The following XRRA1 variants were observed in gnomAD, a reference collection of about 807,000 sequenced individuals.
The protein encoded by XRRA1 is X-ray radiation resistance-associated protein 1.
Under a neutral mutation model 80.2 loss-of-function variants are expected in XRRA1, and 69 were observed. The ratio of observed to expected loss-of-function variants is 0.86; its 90% CI spans 0.71 to 1.05. The LOEUF is 1.05. Ranked by LOEUF, XRRA1 falls within the 50% of genes least tolerant of loss-of-function variation. The pLI is 0.00. For synonymous variants in XRRA1, 348 were observed against 389.9 expected, an observed-to-expected ratio of 0.89 and a Z score of 1.27; for missense variants, 967 against 976.4, an observed-to-expected ratio of 0.99 and a Z score of 0.13.
At chr11:74,877,182 A>G (rs1260641864) in intron 10 of XRRA1, among the ~76,000 whole-genome samples, 1 of 152,238 alleles carries the variant, frequency 6.6e-6, no homozygotes, top group African/African-American at 2.4e-5. Flanking sequence ...GGTTAACACT[A>G]AAGTTACTCT....
intron 6 of XRRA1, 119 bp from the exon 7 acceptor site, chr11:74,927,607 T>C (rs1169246946): frequency 3.4e-6 from 2 of 583,824 alleles, no homozygotes; most frequent in African/African-American, 3.8e-5. Flanking sequence ...TAAGGTACTT[T>C]ACATACATGG....
chr11:74,948,277 C>T (rs1018531873), intron 1 of XRRA1, among the ~76,000 whole-genome samples: 2 of 151,462 alleles, frequency 1.3e-5, no homozygotes, highest in African/African-American at 4.9e-5. Context: ...CCAGGTCTAT[C>T]TTGATCCCCT....
chr11:74,921,470 T>C, intron 7 of XRRA1, 123 bp from the exon 8 acceptor site: 1 of 1,256,920 alleles, frequency 8.0e-7, no homozygotes, highest in Non-Finnish European at 1.1e-6. Context: ...CTCCTGGATC[T>C]CCAGATTAAT....
intron 10 of XRRA1, among the ~76,000 whole-genome samples, chr11:74,894,528 G>C (rs113411005): frequency 0.011 from 1,608 of 152,286 alleles, 33 homozygotes; most frequent in African/African-American, 0.035. Flanking sequence ...CAGAAAGCGA[G>C]GGGGAGGCAG....
At chr11:74,881,028 T>G (rs2047425576) in intron 10 of XRRA1, among the ~76,000 whole-genome samples, 1 of 146,546 alleles carries the variant, frequency 6.8e-6, no homozygotes, top group Non-Finnish European at 1.5e-5. Flanking sequence ...GTTGACTTTC[T>G]GTCTCATTGA....
At chr11:74,880,005 T>C (rs2047112945) in intron 10 of XRRA1, among the ~76,000 whole-genome samples, 1 of 151,982 alleles carries the variant, frequency 6.6e-6, no homozygotes, top group African/African-American at 2.4e-5. Context: ...GGATTCCCTC[T>C]TTTTCTATTG....
Position 74,937,366 on chromosome 11 carries a change from T to A in XRRA1, c.95-298A>T, listed in dbSNP as rs11236270. Reference sequence around the variant, plus strand: ...TTCACATTTTTATCTCCAAATTCTATTATTCCTTCAAAAACTAAGATCAAG... The same window carrying A: ...TTCACATTTTTATCTCCAAATTCTAATATTCCTTCAAAAACTAAGATCAAG... On this transcript the variant is annotated intron_variant, in intron 3 of 18. Transcript: ENST00000684022. 9.9e-3 allele frequency among the ~76,000 whole-genome samples: 1,510 copies of A among 152,328 alleles called. 15 individuals are homozygous for A. Among genetic ancestry groups the A allele is most frequent in the Middle Eastern group, 0.02 (6 of 294 alleles).
intron 7 of XRRA1, among the ~76,000 whole-genome samples, chr11:74,925,518 C>G (rs1192845275): frequency 6.6e-6 from 1 of 152,088 alleles, no homozygotes; most frequent in East Asian, 1.9e-4. Flanking sequence ...TCTTAGGGAG[C>G]CCTTGCAAAT....
At chr11:74,897,078 A>G (rs2052498800) in intron 10 of XRRA1, among the ~76,000 whole-genome samples, 1 of 152,212 alleles carries the variant, frequency 6.6e-6, no homozygotes, top group Non-Finnish European at 1.5e-5. Context: ...TTTCAGACAG[A>G]GAATTCAAAA....
rs142654965 is a variant in XRRA1, at chr11:74,938,520, G to A, written c.95-1452C>T. On this transcript the variant is annotated intron_variant, in intron 3 of 18. Coordinates refer to ENST00000684022, the MANE Select transcript of XRRA1 (RefSeq NM_001378157.1). ...ATCATACTTTTACCCACTTATTCTA[G>A]TATCTGTGATGGTTAATTTTATCCA... is the stretch of plus-strand genomic sequence containing the variant. Among the ~76,000 whole-genome samples, 58 of 152,280 alleles carry A rather than the reference G, an allele frequency of 3.8e-4. No homozygotes were observed. In the East Asian group the frequency reaches 8.5e-3, roughly 22 times the overall value.
intron 10 of XRRA1, among the ~76,000 whole-genome samples, chr11:74,889,833 T>C (rs1329445997): frequency 6.6e-6 from 1 of 152,176 alleles, no homozygotes; most frequent in Non-Finnish European, 1.5e-5. Flanking sequence ...AAGGGATCAA[T>C]TCAACAAGAA....
chr11:74,873,357 T>G (rs972010188), intron 10 of XRRA1, among the ~76,000 whole-genome samples: 1 of 152,174 alleles, frequency 6.6e-6, no homozygotes, highest in African/African-American at 2.4e-5. Flanking sequence ...TAGTTCCAAC[T>G]CATCCAGTGG....
intron 8 of XRRA1, among the ~76,000 whole-genome samples, chr11:74,909,490 C>T (rs138893953): frequency 6.6e-5 from 10 of 152,314 alleles, no homozygotes; most frequent in East Asian, 1.9e-4. Context: ...GGCTCTGTCT[C>T]GTCTCTTGTG....
At chr11:74,879,090 C>G (rs2046818985) in intron 10 of XRRA1, among the ~76,000 whole-genome samples, 1 of 147,242 alleles carries the variant, frequency 6.8e-6, no homozygotes, top group Non-Finnish European at 1.5e-5. Context: ...TTCTTCCTAC[C>G]CATGAGCATG....
intron 10 of XRRA1, among the ~76,000 whole-genome samples, chr11:74,883,062 T>C (rs1463959116): frequency 1.3e-5 from 2 of 152,182 alleles, no homozygotes; most frequent in African/African-American, 2.4e-5. Context: ...CCCGGCTGCT[T>C]TGTTTACCTA....
In XRRA1 at chr11:74,933,958, A is replaced by G. The variant is rs1034461058; in HGVS notation, c.280-86T>C. On this transcript the variant is annotated intron_variant, in intron 4 of 18. Coordinates refer to ENST00000684022, the MANE Select transcript of XRRA1 (RefSeq NM_001378157.1). ...CCACTCAGCCTTCTCTTGTTGGGCA[A>G]TCATATACTTGTCATAATTTGTTTG... is the stretch of plus-strand genomic sequence containing the variant. The G allele has an allele frequency of 9.6e-6, 11 of 1,148,252 alleles. No homozygotes were observed. In the African/African-American group the frequency reaches 1.5e-4, roughly 16 times the overall value. The allele number at this position is 1,148,252 out of a possible 1,614,324, so 71.1% of individuals were successfully genotyped here. A position where few individuals can be genotyped will look rare whatever the true frequency, so the allele number is the denominator to read the frequency against.
At chr11:74,913,320 G>A (rs1376703352) in intron 8 of XRRA1, among the ~76,000 whole-genome samples, 3 of 152,206 alleles carry the variant, frequency 2.0e-5, no homozygotes, top group Non-Finnish European at 2.9e-5. Context: ...TGATTCCTAT[G>A]ACATCCCTGT....
rs2036650809 is a variant in XRRA1 at position 74,842,127 on chromosome 11, A to C, written c.*1073T>G. ...ATAGGTTGTGTATTGGTTTTATTCA[A>C]CCTGCTGTCTGCTTTAGGATTGGAG... is the stretch of plus-strand genomic sequence containing the variant. On this transcript the variant is annotated 3_prime_UTR_variant, in exon 19 of 19. Coordinates refer to ENST00000684022, the MANE Select transcript of XRRA1 (RefSeq NM_001378157.1). 1 of 152,032 alleles carries C rather than the reference A, an allele frequency of 6.6e-6. No individual in the cohort carries two copies. The highest frequency in any genetic ancestry group is 6.5e-5 in the Admixed American group (1 of 15,268). The allele number at this position is 152,032 out of a possible 1,614,324, so 9.4% of individuals were successfully genotyped here.
At chr11:74,851,029 A>T in intron 14 of XRRA1, 59 bp downstream of exon 14, 1 of 1,406,834 alleles carries the variant, frequency 7.1e-7, no homozygotes, top group South Asian at 1.3e-5. Flanking sequence ...GTTGGTTTGC[A>T]TACATTATAA....
Sources: gnomAD v4.1 joint callset for allele counts (sites outside exome capture counted in the v4.1 genomes callset) on GRCh38, gnomAD v4.1.1 for gene constraint, MANE v1.5 for transcripts, NCBI Gene and HGNC (gene_info 2026-07-23, HGNC 2026-07-21) for gene names.